LMO3: variants seen among roughly 807,000 people sequenced by gnomAD.
LMO3 encodes LIM domain only protein 3.
Under a neutral mutation model 15.8 loss-of-function variants are expected in LMO3, and 2 were observed. The observed-to-expected ratio is 0.13, with a 90% CI of 0.05 to 0.40. The LOEUF (loss-of-function observed/expected upper bound fraction) is 0.40. Among genes scored for constraint, LMO3 ranks in the 10% least tolerant of loss-of-function variants. The pLI is 0.99. For missense variants in LMO3, 86 were observed against 182.2 expected (o/e 0.47, Z 3.04); for synonymous variants, 62 against 63.8 (o/e 0.97, Z 0.13).
upstream of LMO3, chr12:16,608,327 G>T (rs2137761635): frequency 6.6e-6 from 1 of 152,256 alleles, no homozygotes; most frequent in Non-Finnish European, 1.5e-5. The surrounding 1 kb of genome is among the most constrained non-coding windows in gnomAD (Gnocchi z 4.1). Context: ...AAGGAGATGA[G>T]ATTTTTTTTC....
chr12:16,573,171 T>C (rs1411486328), intron 2 of LMO3, among the ~76,000 whole-genome samples: 3 of 152,082 alleles, frequency 2.0e-5, no homozygotes, highest in Non-Finnish European at 4.4e-5. Context: ...CCAATGTCTA[T>C]TCATAAGTGC....
At chr12:16,588,250 A>G (rs1480029382) in intron 2 of LMO3, among the ~76,000 whole-genome samples, 4 of 151,998 alleles carry the variant, frequency 2.6e-5, no homozygotes, top group African/African-American at 9.7e-5. Flanking sequence ...ATAAATATAT[A>G]CAAATATACA....
chr12:16,579,552 G>GA (rs1045298374), intron 2 of LMO3, among the ~76,000 whole-genome samples: 1 of 151,976 alleles, frequency 6.6e-6, no homozygotes, highest in Non-Finnish European at 1.5e-5. Flanking sequence ...CTAATAATTT[G>GA]AAAAAAAGAT....
Position 16,590,957 on chromosome 12 carries a change from GTAAA to G in LMO3, c.206+9694_206+9697del, listed in dbSNP as rs564785287. Among the ~76,000 whole-genome samples the G allele has an allele frequency of 9.9e-5, 15 of 152,050 alleles. No homozygotes were observed. The South Asian group carries it at 2.9e-3, about 29-fold the overall frequency. On this transcript the variant is annotated intron_variant, in intron 2 of 3. Transcript: ENST00000537304. The stretch of plus-strand genomic sequence containing the variant: ...AAAAAGACATCCAAAAAAACTTCCA[GTAAA>G]TAAATGAAAAATAATCTCATTCAAT...
chr12:16,596,876 T>C lies in LMO3; in HGVS notation c.206+3779A>G, dbSNP rs1943675757. ...CTCCAACTTAAAGTACAAAGATGTT[T>C]CTATATCTAATTTGTCATAAGTTAC... is the stretch of plus-strand genomic sequence containing the variant. On this transcript the variant is annotated intron_variant, in intron 2 of 3. Transcript: ENST00000537304. The surrounding 1 kb of genome is among the most constrained non-coding windows in gnomAD (Gnocchi z 4.3). 6.6e-6 allele frequency among the ~76,000 whole-genome samples: 1 copy of C among 151,772 alleles called. No individual in the cohort carries two copies. The highest frequency in any genetic ancestry group is 2.4e-5 in the African/African-American group (1 of 41,422).
Position 16,604,365 on chromosome 12 carries a change from C to T in LMO3, c.-9+1701G>A, listed in dbSNP as rs993978851. Reference sequence around the variant, plus strand: ...CCTTCCCTATCCTTCACCCCCCTCCCCTTTTTGAGCAATGGAGCTGGGAAC... The same window carrying T: ...CCTTCCCTATCCTTCACCCCCCTCCTCTTTTTGAGCAATGGAGCTGGGAAC... On this transcript the variant is annotated intron_variant, in intron 1 of 3. Coordinates refer to ENST00000537304, the MANE Select transcript of LMO3 (RefSeq NM_018640.5). The surrounding 1 kb of genome is among the most constrained non-coding windows in gnomAD (Gnocchi z 5.3). 6.6e-6 allele frequency among the ~76,000 whole-genome samples: 1 copy of T among 152,122 alleles called. No homozygotes were observed.
intron 3 of LMO3, among the ~76,000 whole-genome samples, chr12:16,556,075 C>T (rs1459815993): frequency 6.6e-6 from 1 of 152,110 alleles, no homozygotes; most frequent in East Asian, 1.9e-4. Flanking sequence ...ACCTCAGCTT[C>T]CACAGAGCCT....
intron 2 of LMO3, among the ~76,000 whole-genome samples, chr12:16,572,447 A>G (rs1294240449): frequency 6.9e-6 from 1 of 144,218 alleles, no homozygotes; most frequent in African/African-American, 2.5e-5. Flanking sequence ...AAACAGAGCT[A>G]CTAAGCTATT....
chr12:16,578,767 G>T (rs945300908), intron 2 of LMO3, among the ~76,000 whole-genome samples: 1 of 151,886 alleles, frequency 6.6e-6, no homozygotes, highest in Admixed American at 6.6e-5. Flanking sequence ...GCAGTGAGCC[G>T]AGATCGAGCC....
intron 2 of LMO3, among the ~76,000 whole-genome samples, chr12:16,578,505 G>C (rs916623708): frequency 2.6e-5 from 4 of 152,164 alleles, no homozygotes; most frequent in African/African-American, 7.2e-5. Flanking sequence ...AGGTATAAAA[G>C]TTTCAAAGTA....
chr12:16,553,763 C>T (rs1232081378), intron 3 of LMO3, among the ~76,000 whole-genome samples: 1 of 151,272 alleles, frequency 6.6e-6, no homozygotes, highest in Admixed American at 6.6e-5. Context: ...GACAGCAATA[C>T]AGATAGTATG....
rs1010833367 is a variant in LMO3 at position 16,599,641 on chromosome 12, T to C, written c.206+1014A>G. On this transcript the variant is annotated intron_variant, in intron 2 of 3. Transcript: ENST00000537304. This position sits in a 1 kb window ranked among gnomAD's most constrained non-coding sequence, Gnocchi z 4.1. ...GTATTAAATATGAAAATCCCAATGATGCCATATATCATTTCTCTAATTTGA... is the reference window on the plus strand; with the variant it reads ...GTATTAAATATGAAAATCCCAATGACGCCATATATCATTTCTCTAATTTGA... 1 of 152,206 alleles carries C rather than the reference T, an allele frequency of 6.6e-6. No homozygotes were observed. The highest frequency in any genetic ancestry group is 1.5e-5 in the Non-Finnish European group (1 of 68,042). 9.4% of individuals were successfully genotyped at this position (152,206 alleles called of 1,614,324 possible).
In LMO3 at chr12:16,585,993, A is replaced by G. The variant is rs571936660; in HGVS notation, c.206+14662T>C. Among the ~76,000 whole-genome samples, 1 of 152,302 alleles carries G rather than the reference A, an allele frequency of 6.6e-6. No individual in the cohort carries two copies. The highest frequency in any genetic ancestry group is 2.4e-5 in the African/African-American group (1 of 41,568). On this transcript the variant is annotated intron_variant, in intron 2 of 3. Transcript: ENST00000537304. This position sits in a 1 kb window ranked among gnomAD's most constrained non-coding sequence, Gnocchi z 4.7. The stretch of plus-strand genomic sequence containing the variant: ...TGTGATACAGTAAACAAAGTCCCCA[A>G]TAGCATCCTTAGGACACTGATGTTT...
At chr12:16,568,859 C>T (rs1421484739) in intron 2 of LMO3, among the ~76,000 whole-genome samples, 2 of 152,006 alleles carry the variant, frequency 1.3e-5, no homozygotes, top group African/African-American at 4.8e-5. Flanking sequence ...AATGGAGATC[C>T]AAAATTTTCT....
rs757101550 is a variant in LMO3, at chr12:16,560,556, T to TTG, written c.207-19_207-18insCA. 3 of 1,594,988 alleles carry TTG rather than the reference T, an allele frequency of 1.9e-6. No individual in the cohort carries two copies. Among genetic ancestry groups the TTG allele is most frequent in the Non-Finnish European group, 1.7e-6 (2 of 1,172,138 alleles). ...CAAAGAGCCTAGAATAAGAAACATT[T>TTG]TTTTTTTTTTACAAACTCTTACAGA... On this transcript the variant is annotated intron_variant, in intron 2 of 3. Coordinates refer to ENST00000537304, the MANE Select transcript of LMO3 (RefSeq NM_018640.5). The surrounding 1 kb of genome is among the most constrained non-coding windows in gnomAD (Gnocchi z 5.0).
chr12:16,568,105 A>G (rs1942680852), intron 2 of LMO3, among the ~76,000 whole-genome samples: 13 of 152,222 alleles, frequency 8.5e-5, no homozygotes, highest in Admixed American at 8.5e-4. Flanking sequence ...AGGTGAGGAA[A>G]GAGATCTTGG....
In LMO3 at chr12:16,586,038, T is replaced by C. The variant is rs1201439346; in HGVS notation, c.206+14617A>G. ...ATGTTTTTGCAGCTGTTAATGAAAA[T>C]CTTCAACACAGGAAAACAGCAAAAC... On this transcript the variant is annotated intron_variant, in intron 2 of 3. Coordinates refer to ENST00000537304, the MANE Select transcript of LMO3 (RefSeq NM_018640.5). The surrounding 1 kb of genome is among the most constrained non-coding windows in gnomAD (Gnocchi z 4.3). Among the ~76,000 whole-genome samples the C allele has an allele frequency of 2.6e-5, 4 of 152,042 alleles. No homozygotes were observed. The highest frequency in any genetic ancestry group is 7.2e-5 in the African/African-American group (3 of 41,410).
chr12:16,568,711 A>C (rs1428496740), intron 2 of LMO3, among the ~76,000 whole-genome samples: 1 of 152,216 alleles, frequency 6.6e-6, no homozygotes, highest in Non-Finnish European at 1.5e-5. Context: ...CCTTTAAAAC[A>C]CTTTCCTTGG....
chr12:16,594,407 A>C, intron 2 of LMO3: 1 of 619,230 alleles, frequency 1.6e-6, no homozygotes, highest in Non-Finnish European at 2.5e-6. Flanking sequence ...TTATAAAAAT[A>C]CCTAGCAAAT....
Sources: gnomAD v4.1 joint callset for allele counts (sites outside exome capture counted in the v4.1 genomes callset) on GRCh38, gnomAD v4.1.1 for gene constraint, Gnocchi (gnomAD v3.1) non-coding constraint, MANE v1.5 for transcripts, NCBI Gene and HGNC (gene_info 2026-07-23, HGNC 2026-07-21) for gene names.